STAC: variants seen among roughly 807,000 people sequenced by gnomAD.
STAC encodes SH3 and cysteine-rich domain-containing protein.
A neutral mutation model predicts 48.8 loss-of-function variants in STAC; 43 were observed. The ratio of observed to expected loss-of-function variants is 0.88; its 90% confidence interval spans 0.69 to 1.14. The LOEUF (loss-of-function observed/expected upper bound fraction) is 1.14. Ranked by LOEUF, STAC falls within the 50% of genes most tolerant of loss-of-function variation. The probability of loss-of-function intolerance (pLI) is 0.00; values close to 1 mark genes in which losing one functional copy is unlikely to be tolerated. For synonymous variants in STAC, 193 were observed against 179.5 expected (o/e 1.07, Z -0.60); for missense variants, 497 against 504.0 (o/e 0.99, Z 0.13).
chr3:36,524,410 G>T (rs980525686), intron 8 of STAC, among the ~76,000 whole-genome samples: 1 of 152,046 alleles, frequency 6.6e-6, no homozygotes, highest in Admixed American at 6.6e-5. Context: ...TGGCCAACGT[G>T]GTGAAACCCT....
intron 1 of STAC, among the ~76,000 whole-genome samples, chr3:36,388,482 A>G (rs1161396176): frequency 6.6e-6 from 1 of 151,536 alleles, no homozygotes; most frequent in Non-Finnish European, 1.5e-5. Flanking sequence ...TTCCTTTTTT[A>G]TGGTTTTAAA....
chr3:36,406,000 C>T (rs577145574), intron 1 of STAC, among the ~76,000 whole-genome samples: 2 of 152,158 alleles, frequency 1.3e-5, no homozygotes, highest in African/African-American at 4.8e-5. Context: ...TGGGATTATA[C>T]GCATGAGCCA....
rs1559477005 is a variant in STAC, at chr3:36,398,359, GAAAGAAAGA to G, written c.111+17615_111+17623del. On this transcript the variant is annotated intron_variant, in intron 1 of 10. Transcript: ENST00000273183. Reference sequence around the variant, plus strand: ...AGAAAGAAAGAAAGAAAGAAAGAAAGAAAGAAAGAAAAGAAAGAGAGAAAGAAAGAAAGA... The same window carrying G: ...AGAAAGAAAGAAAGAAAGAAAGAAAGAAAGAAAGAGAGAAAGAAAGAAAGA... 5.5e-4 allele frequency among the ~76,000 whole-genome samples: 73 copies of G among 131,744 alleles called. 1 individual carries two copies. In the Middle Eastern group the frequency reaches 0.012, roughly 21 times the overall value. 86.4% of individuals were successfully genotyped at this position (131,744 alleles called of 152,430 possible). A position where few individuals can be genotyped will look rare whatever the true frequency, so the allele number is the denominator to read the frequency against.
intron 6 of STAC, among the ~76,000 whole-genome samples, chr3:36,502,222 T>C (rs376504581): frequency 6.6e-6 from 1 of 152,318 alleles, no homozygotes; most frequent in African/African-American, 2.4e-5. Context: ...ATAATAGACA[T>C]ATTCTTTGAA....
At chr3:36,449,176 T>C (rs1054811508) in intron 2 of STAC, among the ~76,000 whole-genome samples, 9 of 152,046 alleles carry the variant, frequency 5.9e-5, no homozygotes, top group Non-Finnish European at 1.0e-4. Context: ...GGGGATAAAC[T>C]ATGTGCTTGG....
chr3:36,501,807 T>C (rs576331207), intron 6 of STAC, among the ~76,000 whole-genome samples: 1 of 152,256 alleles, frequency 6.6e-6, no homozygotes, highest in South Asian at 2.1e-4. Flanking sequence ...CCAACTCAGT[T>C]TATGAGGCTA....
Position 36,443,626 on chromosome 3 carries a change from A to C in STAC, c.374A>C (p.Asn125Thr). The change falls in exon 2 of 11, where the codon AAC (asparagine) becomes ACC (threonine). Residue 125 changes from asparagine to threonine, a missense_variant. Transcript: ENST00000273183. This position sits in a 1 kb window ranked among gnomAD's most constrained non-coding sequence, Gnocchi z 4.2. Reference sequence around the variant, plus strand: ...AAGCCCACTTTCTGTGATGTCTGCAACCACATGATAGTGGGTAAGGCCTCC... The same window carrying C: ...AAGCCCACTTTCTGTGATGTCTGCACCCACATGATAGTGGGTAAGGCCTCC... ...FKKPTFCDVC[N>T]HMIVGTNAKH... is the part of the protein sequence containing the mutation. 1 of 1,612,190 alleles carries C rather than the reference A, an allele frequency of 6.2e-7. No individual in the cohort carries two copies. Among genetic ancestry groups the C allele is most frequent in the Non-Finnish European group, 8.5e-7 (1 of 1,180,018 alleles).
chr3:36,420,070 T>C (rs1272246372), intron 1 of STAC, among the ~76,000 whole-genome samples: 1 of 152,222 alleles, frequency 6.6e-6, no homozygotes, highest in African/African-American at 2.4e-5. Context: ...TACTAATGGC[T>C]ACTTTTAAAA....
At chr3:36,521,139 G>A (rs1476436015) in intron 8 of STAC, among the ~76,000 whole-genome samples, 1 of 151,872 alleles carries the variant, frequency 6.6e-6, no homozygotes, top group African/African-American at 2.4e-5. Context: ...GGTTTTTCAA[G>A]GGTATCTATT....
intron 8 of STAC, among the ~76,000 whole-genome samples, chr3:36,527,248 CAA>C (rs2125730862): frequency 6.6e-6 from 1 of 152,136 alleles, no homozygotes; most frequent in African/African-American, 2.4e-5. Flanking sequence ...TCAGAGGAAA[CAA>C]ATATTCAGTA....
intron 8 of STAC, among the ~76,000 whole-genome samples, chr3:36,509,326 C>T (rs144067701): frequency 0.11 from 17,304 of 152,104 alleles, 1,071 homozygotes; most frequent in Non-Finnish European, 0.12. Flanking sequence ...TCTCTGGCTG[C>T]GCTTAACATT....
At chr3:36,530,593 C>CTTTTTTTTTTTTTTTTTTTTT (rs577222686) in intron 10 of STAC, among the ~76,000 whole-genome samples, 4 of 72,028 alleles carry the variant, frequency 5.6e-5, no homozygotes, top group Admixed American at 2.1e-4. Context: ...TTTTTTTTTT[C>CTTTTTTTTTTTTTTTTTTTTT]TTTTTTTTTT....
intron 8 of STAC, among the ~76,000 whole-genome samples, chr3:36,523,253 A>G (rs954179284): frequency 6.6e-6 from 1 of 152,192 alleles, no homozygotes; most frequent in African/African-American, 2.4e-5. Context: ...GTTCCTATAA[A>G]TCATTATATA....
chr3:36,475,534 C>T (rs1697470153), intron 2 of STAC, among the ~76,000 whole-genome samples: 1 of 152,144 alleles, frequency 6.6e-6, no homozygotes, highest in Non-Finnish European at 1.5e-5. Flanking sequence ...TATATGATGG[C>T]AGGCATTTCT....
At chr3:36,529,200 G>A (rs915644067) in intron 10 of STAC, 6 of 368,718 alleles carry the variant, frequency 1.6e-5, no homozygotes, top group Admixed American at 4.3e-5. Flanking sequence ...GTTCATAAAC[G>A]AAACGTGATA....
At position 36,380,539 on chromosome 3, in the gene STAC, C is replaced by T; in HGVS notation, c.-105C>T. 4 of 887,196 alleles carry T rather than the reference C, an allele frequency of 4.5e-6. No homozygotes were observed. The highest frequency in any genetic ancestry group is 7.1e-6 in the Non-Finnish European group (4 of 561,246). 55.0% of individuals were successfully genotyped at this position (887,196 alleles called of 1,614,324 possible). The stretch of plus-strand genomic sequence containing the variant: ...TCGGCGCCTCGGCGAGGATGGGAGT[C>T]CCCAGGACCCGGAGCTGAGCAGCCT... On this transcript the variant is annotated 5_prime_UTR_variant, in exon 1 of 11. Coordinates refer to ENST00000273183, the MANE Select transcript of STAC (RefSeq NM_003149.3).
At chr3:36,440,136 G>A (rs982983531) in intron 1 of STAC, among the ~76,000 whole-genome samples, 1 of 152,170 alleles carries the variant, frequency 6.6e-6, no homozygotes, top group African/African-American at 2.4e-5. Context: ...GCTTTGCAGG[G>A]CCTCTTTTTT....
In STAC at chr3:36,486,121, T is replaced by C. The variant is rs199806857; in HGVS notation, c.572-13T>C. The C allele has an allele frequency of 5.8e-4, 931 of 1,607,238 alleles. 5 individuals carry two copies. In the Middle Eastern group the frequency reaches 0.012, roughly 21 times the overall value. The stretch of plus-strand genomic sequence containing the variant: ...GATGAGCTTCCTCAGATGAACTTTC[T>C]CTTCTGTTGCAGCCTGTGGCAATAA... On this transcript the variant is annotated splice_polypyrimidine_tract_variant and intron_variant, in intron 4 of 10. Coordinates refer to ENST00000273183, the MANE Select transcript of STAC (RefSeq NM_003149.3).
chr3:36,446,885 C>T (rs936158), intron 2 of STAC, among the ~76,000 whole-genome samples: 100,090 of 152,078 alleles, frequency 0.66, 33,240 homozygotes, highest in African/African-American at 0.74. Context: ...CAAGTTTCTT[C>T]ATACAGTTGC....
Sources: allele counts gnomAD v4.1 joint callset (sites outside exome capture counted in the v4.1 genomes callset), GRCh38; gene constraint gnomAD v4.1.1; non-coding constraint Gnocchi (gnomAD v3.1); transcripts MANE v1.5; gene names NCBI Gene and HGNC (gene_info 2026-07-23, HGNC 2026-07-21).